Variants in TRIM9 observed in about 807,000 individuals in gnomAD.
TRIM9 encodes E3 ubiquitin-protein ligase TRIM9.
In TRIM9, 26 loss-of-function variants were observed where a neutral mutation model predicts 78.3. The observed-to-expected ratio is 0.33, with a 90% CI of 0.24 to 0.46. The LOEUF (loss-of-function observed/expected upper bound fraction) is 0.46, where lower values mean the gene tolerates loss of function less well. TRIM9 is among the 20% of genes least tolerant of loss of function. TRIM9 has a pLI of 1.00. For synonymous variants in TRIM9, 398 were observed against 416.5 expected, an observed-to-expected ratio of 0.96 and a Z score of 0.54; for missense variants, 787 against 1,036.4, an observed-to-expected ratio of 0.76 and a Z score of 3.30.
At position 50,997,120 on chromosome 14, in the gene TRIM9, G is replaced by C. The variant is rs907906279; in HGVS notation, c.1603+930C>G. The C allele has an allele frequency of 4.1e-6, 4 of 985,238 alleles. No individual in the cohort carries two copies. In the African/African-American group the frequency reaches 5.2e-5, roughly 13 times the overall value. 61.0% of individuals were successfully genotyped at this position (985,238 alleles called of 1,614,324 possible). A position where few individuals can be genotyped will look rare whatever the true frequency, so the allele number is the denominator to read the frequency against. On this transcript the variant is annotated intron_variant, in intron 7 of 12. Coordinates refer to ENST00000684578, the MANE Select transcript of TRIM9 (RefSeq NM_001387360.1). Reference sequence around the variant, plus strand: ...GGTGAGGTGGGGGGGTGATTTCTTTGATTAAAATGACACCCCAAAGTGTCA... The same window carrying C: ...GGTGAGGTGGGGGGGTGATTTCTTTCATTAAAATGACACCCCAAAGTGTCA...
intron 3 of TRIM9, among the ~76,000 whole-genome samples, chr14:51,016,397 C>A (rs577120498): frequency 6.6e-6 from 1 of 151,868 alleles, no homozygotes. Flanking sequence ...CTAGGTTGCC[C>A]GCTCCTTATG....
intron 1 of TRIM9, among the ~76,000 whole-genome samples, chr14:51,031,147 C>CAA (rs1210514761): frequency 0.36 from 35,683 of 100,338 alleles, 7,162 homozygotes; most frequent in South Asian, 0.57. Flanking sequence ...AAACTCTTTC[C>CAA]AAAAAAAAAA....
intron 1 of TRIM9, among the ~76,000 whole-genome samples, chr14:51,067,527 C>T (rs1200359173): frequency 1.3e-5 from 2 of 152,162 alleles, no homozygotes; most frequent in Admixed American, 6.5e-5. Context: ...CGTAATTAGA[C>T]CCCCATCTAT....
chr14:51,047,959 CAAA>C (rs34404791), intron 1 of TRIM9, among the ~76,000 whole-genome samples: 27 of 146,278 alleles, frequency 1.8e-4, no homozygotes, highest in South Asian at 2.2e-4. Flanking sequence ...GACCCTGTCT[CAAA>C]AAAAAAAAAA....
chr14:51,065,019 C>T (rs2061629238), intron 1 of TRIM9, among the ~76,000 whole-genome samples: 1 of 152,164 alleles, frequency 6.6e-6, no homozygotes, highest in African/African-American at 2.4e-5. Flanking sequence ...GCTGGCTTTA[C>T]AGTCCTTCAA....
chr14:51,046,651 T>C (rs2059974380), intron 1 of TRIM9, among the ~76,000 whole-genome samples: 1 of 152,188 alleles, frequency 6.6e-6, no homozygotes, highest in Non-Finnish European at 1.5e-5. Context: ...ATTTCATTAA[T>C]AAAATGACCT....
At chr14:50,999,455 T>A (rs1596134594) in intron 6 of TRIM9, among the ~76,000 whole-genome samples, 2 of 152,020 alleles carry the variant, frequency 1.3e-5, no homozygotes, top group East Asian at 3.9e-4. Flanking sequence ...TTAGATTTTA[T>A]CATGCCAATA....
Position 50,981,858 on chromosome 14 carries a change from C to T in TRIM9, c.2104G>A (p.Ala702Thr), listed in dbSNP as rs1460551419. 1.2e-6 allele frequency: 2 copies of T among 1,614,060 alleles called. No individual in the cohort carries two copies. Among genetic ancestry groups the T allele is most frequent in the Non-Finnish European group, 8.5e-7 (1 of 1,180,048 alleles). The change falls in exon 11 of 13, where the codon GCA becomes ACA. Residue 702 changes from alanine (A) to threonine (T), a missense_variant. This residue lies in a region of TRIM9 where 421 missense variants were observed against 514.3 expected (regional missense o/e 0.82). Coordinates refer to ENST00000684578, the MANE Select transcript of TRIM9 (RefSeq NM_001387360.1). ...VMLGKDDKAW[A>T]MYVDNNRSWF... ...CTCCGGTTATTGTCCACATACATTGCCCAAGCTTTGTCGTCTTTTCCTAAC... is the reference window on the plus strand; with the variant it reads ...CTCCGGTTATTGTCCACATACATTGTCCAAGCTTTGTCGTCTTTTCCTAAC...
At chr14:51,008,551 T>C (rs2056144084) in intron 5 of TRIM9, among the ~76,000 whole-genome samples, 1 of 152,188 alleles carries the variant, frequency 6.6e-6, no homozygotes, top group Admixed American at 6.5e-5. Flanking sequence ...GACCTTGCCA[T>C]ATCCCTTAAT....
chr14:51,026,214 C>A lies in TRIM9; in HGVS notation c.823-854G>T, dbSNP rs145039458. Among the ~76,000 whole-genome samples the A allele has an allele frequency of 7.3e-3, 1,115 of 152,172 alleles. 4 individuals carry two copies. The highest frequency in any genetic ancestry group is 0.028 in the South Asian group (137 of 4,824). On this transcript the variant is annotated intron_variant, in intron 1 of 12. Coordinates refer to ENST00000684578, the MANE Select transcript of TRIM9 (RefSeq NM_001387360.1). ...TTGATGCAGCCTCTCCACTGTGGTT[C>A]CTGACTTTAGGATGGATGTGATGTC...
rs539686859 is a variant in TRIM9, at chr14:51,026,130, T to C, written c.823-770A>G. Among the ~76,000 whole-genome samples the C allele has an allele frequency of 3.3e-5, 5 of 152,300 alleles. No individual in the cohort carries two copies. The South Asian group carries it at 1.0e-3, about 32-fold the overall frequency. On this transcript the variant is annotated intron_variant, in intron 1 of 12. Transcript: ENST00000684578. ...GGACGACACCTAAGTGGAAGTCTGC[T>C]GGGGACTGGAGGGGTCTGAGAAAGC...
chr14:50,977,234 C>T lies in TRIM9; in HGVS notation c.*57G>A, dbSNP rs1041259917. 2.9e-6 allele frequency: 4 copies of T among 1,379,240 alleles called. No homozygotes were observed. Among genetic ancestry groups the T allele is most frequent in the Non-Finnish European group, 3.8e-6 (4 of 1,046,522 alleles). 85.4% of individuals were successfully genotyped at this position (1,379,240 alleles called of 1,614,324 possible). On this transcript the variant is annotated 3_prime_UTR_variant, in exon 13 of 13. Coordinates refer to ENST00000684578, the MANE Select transcript of TRIM9 (RefSeq NM_001387360.1). The stretch of plus-strand genomic sequence containing the variant: ...CCACCACGGCTGGCTGAGCTCCTTG[C>T]TGTGGCTCTCGCAGGCGGAGGTAAG...
At chr14:50,978,261 C>T (rs8020721) in intron 12 of TRIM9, among the ~76,000 whole-genome samples, 54,000 of 152,026 alleles carry the variant, frequency 0.36, 10,201 homozygotes, top group African/African-American at 0.47. Flanking sequence ...GCAAAAGTCA[C>T]CTGTAATTCT....
chr14:50,982,111 C>G lies in TRIM9; in HGVS notation c.1859-8G>C. On this transcript the variant is annotated splice_polypyrimidine_tract_variant and splice_region_variant and intron_variant, in intron 10 of 12. Coordinates refer to ENST00000684578, the MANE Select transcript of TRIM9 (RefSeq NM_001387360.1). ...CGAAAGCAAACCAGGCCACTGGGAA[C>G]AACAGAAGGGAATCAGGTTATTAAG... is the stretch of plus-strand genomic sequence containing the variant. 1 of 1,613,216 alleles carries G rather than the reference C, an allele frequency of 6.2e-7. No homozygotes were observed. The highest frequency in any genetic ancestry group is 2.2e-5 in the East Asian group (1 of 44,854).
chr14:51,092,684 T>C (rs1317546647), intron 1 of TRIM9, among the ~76,000 whole-genome samples: 1 of 152,184 alleles, frequency 6.6e-6, no homozygotes, highest in African/African-American at 2.4e-5. Context: ...CATGCACATC[T>C]CCTCAAGAGT....
chr14:51,049,537 T>C (rs563217515), intron 1 of TRIM9, among the ~76,000 whole-genome samples: 26 of 151,972 alleles, frequency 1.7e-4, no homozygotes, highest in Non-Finnish European at 2.4e-4. Flanking sequence ...TGTAATAATA[T>C]ATAATATAGG....
chr14:50,982,863 C>T, intron 10 of TRIM9, 79 bp downstream of exon 10: 1 of 1,344,176 alleles, frequency 7.4e-7, no homozygotes, highest in Non-Finnish European at 1.0e-6. Context: ...GATGTAATTG[C>T]TGATTTATTA....
chr14:51,010,637 G>C (rs2056450045), intron 3 of TRIM9, 143 bp from the exon 4 acceptor site: 3 of 633,002 alleles, frequency 4.7e-6, no homozygotes, highest in Non-Finnish European at 8.2e-6. Flanking sequence ...TTTTCTGGCA[G>C]TGTCTGCTGG....
intron 1 of TRIM9, among the ~76,000 whole-genome samples, chr14:51,029,217 C>T (rs2058517085): frequency 6.6e-6 from 1 of 152,184 alleles, no homozygotes; most frequent in African/African-American, 2.4e-5. Flanking sequence ...TTCTGGCTGT[C>T]TCGGATCTGA....
Sources: allele counts gnomAD v4.1 joint callset (sites outside exome capture counted in the v4.1 genomes callset), GRCh38; gene constraint gnomAD v4.1.1; regional missense constraint gnomAD v4.1.1; transcripts MANE v1.5; gene names NCBI Gene and HGNC (gene_info 2026-07-23, HGNC 2026-07-21).